The following FCHO2 variants were observed in gnomAD, a reference collection of about 807,000 sequenced individuals.
FCHO2 encodes F-BAR domain only protein 2.
A neutral mutation model predicts 114.1 loss-of-function variants in FCHO2; 43 were observed. The observed-to-expected ratio is 0.38, with a 90% confidence interval of 0.30 to 0.49. FCHO2 has a LOEUF of 0.49. Among genes scored for constraint, FCHO2 ranks in the 20% least tolerant of loss-of-function variants. FCHO2 has a pLI of 0.97. For missense variants in FCHO2, 807 were observed against 950.4 expected (o/e 0.85, Z 1.98); for synonymous variants, 293 against 315.2 (o/e 0.93, Z 0.75).
intron 1 of FCHO2, among the ~76,000 whole-genome samples, chr5:72,966,459 A>G (rs1248250526): frequency 6.6e-6 from 1 of 152,216 alleles, no homozygotes; most frequent in Non-Finnish European, 1.5e-5. Context: ...TTTTTAAAAA[A>G]ATCTTAAACA....
intron 2 of FCHO2, among the ~76,000 whole-genome samples, chr5:72,974,589 A>G (rs554725982): frequency 0.015 from 2,239 of 151,560 alleles, 29 homozygotes; most frequent in Middle Eastern, 0.037. Flanking sequence ...TTTTGAGCCT[A>G]TGTGTGTCTC....
intron 1 of FCHO2, among the ~76,000 whole-genome samples, chr5:72,959,843 G>A (rs1484863391): frequency 1.3e-5 from 2 of 151,002 alleles, no homozygotes; most frequent in Non-Finnish European, 2.9e-5. Context: ...GCAGTGGCAC[G>A]AGCATGGCTC....
chr5:73,056,043 C>T, intron 15 of FCHO2, 22 bp from the exon 16 acceptor site: 1 of 1,434,756 alleles, frequency 7.0e-7, no homozygotes, highest in Non-Finnish European at 9.4e-7. Context: ...ATGAAGTTTT[C>T]ATATTTTAAT....
intron 8 of FCHO2, 74 bp from the exon 9 acceptor site, chr5:73,034,583 A>T: frequency 1.7e-6 from 2 of 1,173,572 alleles, no homozygotes; most frequent in Non-Finnish European, 2.4e-6. Context: ...AAAATTTAAA[A>T]TGTAAAAAAA....
chr5:73,016,177 G>A (rs1028067143), intron 7 of FCHO2, among the ~76,000 whole-genome samples: 2 of 151,928 alleles, frequency 1.3e-5, no homozygotes, highest in East Asian at 3.9e-4. Context: ...AGCCAGGCAC[G>A]GTGGCTCATA....
chr5:72,981,134 G>T (rs1753187345), intron 2 of FCHO2, among the ~76,000 whole-genome samples: 1 of 152,066 alleles, frequency 6.6e-6, no homozygotes, highest in African/African-American at 2.4e-5. Context: ...TGTAAGACTG[G>T]CCTGGTGGTG....
At chr5:73,012,233 T>C (rs1011725455) in intron 6 of FCHO2, among the ~76,000 whole-genome samples, 7 of 151,844 alleles carry the variant, frequency 4.6e-5, no homozygotes, top group Non-Finnish European at 8.8e-5. Context: ...AATAGAAAGT[T>C]TTCATATCTA....
intron 23 of FCHO2, among the ~76,000 whole-genome samples, chr5:73,082,346 A>G (rs898276415): frequency 1.3e-5 from 2 of 151,384 alleles, no homozygotes; most frequent in East Asian, 1.9e-4. Flanking sequence ...AGGAACACCT[A>G]TCTAATTAGT....
intron 10 of FCHO2, chr5:73,037,734 G>A: frequency 5.1e-6 from 2 of 390,518 alleles, no homozygotes; most frequent in Non-Finnish European, 4.9e-6. Flanking sequence ...GGAATATTTG[G>A]TCCACTTATA....
intron 11 of FCHO2, among the ~76,000 whole-genome samples, chr5:73,050,717 T>C (rs1395278005): frequency 6.6e-6 from 1 of 152,234 alleles, no homozygotes; most frequent in African/African-American, 2.4e-5. Context: ...TATGTTTTAC[T>C]TCTTTATATT....
chr5:72,965,689 C>T (rs1208921749), intron 1 of FCHO2, among the ~76,000 whole-genome samples: 1 of 151,862 alleles, frequency 6.6e-6, no homozygotes, highest in Non-Finnish European at 1.5e-5. Context: ...GGCTGTTCTT[C>T]AAAGAAAAAA....
intron 2 of FCHO2, among the ~76,000 whole-genome samples, chr5:72,977,909 G>A (rs1752973523): frequency 1.3e-5 from 2 of 152,132 alleles, no homozygotes; most frequent in South Asian, 4.1e-4. Flanking sequence ...TGTCAGGTTT[G>A]TCGAAGATCA....
chr5:73,011,974 G>C (rs1755039103), intron 6 of FCHO2, among the ~76,000 whole-genome samples: 1 of 151,784 alleles, frequency 6.6e-6, no homozygotes, highest in South Asian at 2.1e-4. Flanking sequence ...TGAAGGACCT[G>C]CTGGAGGCTG....
chr5:73,027,696 G>A (rs575551113), intron 8 of FCHO2, among the ~76,000 whole-genome samples: 1 of 152,052 alleles, frequency 6.6e-6, no homozygotes, highest in Non-Finnish European at 1.5e-5. Flanking sequence ...AAATAAATGA[G>A]TAAAGAATTT....
intron 8 of FCHO2, among the ~76,000 whole-genome samples, chr5:73,030,907 A>G (rs192938383): frequency 6.6e-6 from 1 of 152,354 alleles, no homozygotes; most frequent in East Asian, 1.9e-4. Flanking sequence ...TGATGTCTGC[A>G]ACTTTCAAAT....
chr5:73,031,528 G>C (rs1279279934), intron 8 of FCHO2, among the ~76,000 whole-genome samples: 1 of 152,182 alleles, frequency 6.6e-6, no homozygotes, highest in Non-Finnish European at 1.5e-5. Context: ...CAAAACATTT[G>C]TGGTGATCAA....
chr5:73,047,939 C>A (rs1335596025), intron 11 of FCHO2, among the ~76,000 whole-genome samples: 1 of 152,052 alleles, frequency 6.6e-6, no homozygotes, highest in East Asian at 1.9e-4. Context: ...CAGGCTTAAG[C>A]GATCCTCCCA....
intron 17 of FCHO2, among the ~76,000 whole-genome samples, chr5:73,059,570 ATTGGTTT>A (rs11277475): frequency 0.3 from 44,913 of 151,606 alleles, 6,805 homozygotes; most frequent in East Asian, 0.43. Flanking sequence ...AAAATTAAAT[ATTGGTTT>A]TTAAAATTAG....
At chr5:73,041,754 G>C (rs1756815945) in intron 11 of FCHO2, among the ~76,000 whole-genome samples, 1 of 151,972 alleles carries the variant, frequency 6.6e-6, no homozygotes, top group African/African-American at 2.4e-5. Context: ...GTACTTTTCT[G>C]TGCTTTTTGT....
Sources: allele counts gnomAD v4.1 joint callset (sites outside exome capture counted in the v4.1 genomes callset), GRCh38; gene constraint gnomAD v4.1.1; transcripts MANE v1.5; gene names NCBI Gene and HGNC (gene_info 2026-07-23, HGNC 2026-07-21).